Variants in NLN observed in about 807,000 individuals in gnomAD.
NLN encodes the protein neurolysin, also known as neurolysin, mitochondrial.
Under a neutral mutation model 79.9 loss-of-function variants are expected in NLN, and 64 were observed. The observed-to-expected ratio is 0.80, with a 90% confidence interval of 0.65 to 0.99. NLN has a LOEUF of 0.99. NLN is among the 50% of genes least tolerant of loss of function. NLN has a pLI of 0.00. For missense variants in NLN, 835 were observed against 858.7 expected (o/e 0.97, Z 0.34); for synonymous variants, 267 against 296.6 (o/e 0.90, Z 1.02).
intron 1 of NLN, among the ~76,000 whole-genome samples, chr5:65,724,571 C>A (rs1231182210): frequency 1.3e-5 from 2 of 152,032 alleles, no homozygotes; most frequent in Non-Finnish European, 2.9e-5. Flanking sequence ...CTGTTTGAAT[C>A]CCTGCTTTTA....
intron 1 of NLN, among the ~76,000 whole-genome samples, chr5:65,747,712 G>A (rs1472728222): frequency 1.3e-5 from 2 of 152,170 alleles, no homozygotes; most frequent in Non-Finnish European, 2.9e-5. Context: ...AACCAATGGT[G>A]CAGTTCACCC....
rs749900018 is a variant in NLN, at chr5:65,763,127, C to A, written c.450+19C>A. On this transcript the variant is annotated intron_variant, in intron 3 of 12. Coordinates refer to ENST00000380985, the MANE Select transcript of NLN (RefSeq NM_020726.5). ...TTTACAGGTAAGTGGTGTTATAAAT[C>A]CCTTTAAAGAGGGAAAAACTCTACA... is the stretch of plus-strand genomic sequence containing the variant. 55 of 1,601,422 alleles carry A rather than the reference C, an allele frequency of 3.4e-5. No homozygotes were observed. Among genetic ancestry groups the A allele is most frequent in the Middle Eastern group, 1.7e-4 (1 of 6,022 alleles).
At chr5:65,798,134 T>C (rs1760208298) in intron 9 of NLN, among the ~76,000 whole-genome samples, 2 of 152,214 alleles carry the variant, frequency 1.3e-5, no homozygotes, top group Non-Finnish European at 2.9e-5. Flanking sequence ...CAGAAGAAGA[T>C]AGGCAGCTGA....
intron 1 of NLN, among the ~76,000 whole-genome samples, chr5:65,728,665 C>T (rs537999826): frequency 1.1e-4 from 17 of 152,192 alleles, no homozygotes; most frequent in African/African-American, 3.9e-4. Flanking sequence ...GGAAATTTCT[C>T]TTATTATAAT....
chr5:65,809,445 TTAA>T (rs2150773597), intron 9 of NLN, 67 bp from the exon 10 acceptor site: 1 of 1,342,012 alleles, frequency 7.5e-7, no homozygotes, highest in South Asian at 1.4e-5. Flanking sequence ...TTCGTGACTC[TTAA>T]TAATTATTCA....
rs1760705175 is a variant in NLN, at chr5:65,817,986, C to T, written c.1981-4795C>T. Among the ~76,000 whole-genome samples the T allele has an allele frequency of 2.6e-5, 4 of 152,324 alleles. No homozygotes were observed. The South Asian group carries it at 8.3e-4, about 32-fold the overall frequency. ...TGTCTCAGCTCTCCTGATGTACCACCCAACAGCTGATTTTTCTTATAACTG... is the reference window on the plus strand; with the variant it reads ...TGTCTCAGCTCTCCTGATGTACCACTCAACAGCTGATTTTTCTTATAACTG... On this transcript the variant is annotated intron_variant, in intron 12 of 12. Transcript: ENST00000380985.
At chr5:65,781,771 C>T (rs1380287899) in intron 6 of NLN, among the ~76,000 whole-genome samples, 1 of 152,280 alleles carries the variant, frequency 6.6e-6, no homozygotes, top group South Asian at 2.1e-4. Context: ...CCAGTTCTAC[C>T]GTGATCTGCC....
In NLN at chr5:65,746,497, A is replaced by G. The variant is rs77008759; in HGVS notation, c.42-12070A>G. ...TTTATGAGACCAGGACCCAGATTGA[A>G]GTAGGGTGAAGAGTGTTTGGGACAT... On this transcript the variant is annotated intron_variant, in intron 1 of 12. Coordinates refer to ENST00000380985, the MANE Select transcript of NLN (RefSeq NM_020726.5). Among the ~76,000 whole-genome samples the G allele has an allele frequency of 4.8e-3, 736 of 152,292 alleles. 10 individuals are homozygous for G. The highest frequency in any genetic ancestry group is 0.017 in the African/African-American group (696 of 41,552).
At chr5:65,737,832 A>G (rs529128229) in intron 1 of NLN, among the ~76,000 whole-genome samples, 9 of 152,300 alleles carry the variant, frequency 5.9e-5, no homozygotes, top group Admixed American at 3.3e-4. Context: ...TAGTTGTATT[A>G]TCAAAAAATT....
intron 1 of NLN, among the ~76,000 whole-genome samples, chr5:65,735,854 A>G (rs1294167817): frequency 6.6e-6 from 1 of 152,168 alleles, no homozygotes; most frequent in Non-Finnish European, 1.5e-5. Context: ...CTGGCCTTAA[A>G]TTAACATAAG....
At chr5:65,747,656 A>G (rs777708682) in intron 1 of NLN, among the ~76,000 whole-genome samples, 2 of 152,124 alleles carry the variant, frequency 1.3e-5, no homozygotes, top group Non-Finnish European at 2.9e-5. Context: ...AACTCTGACC[A>G]CACTCCCTGC....
chr5:65,738,247 T>C lies in NLN; in HGVS notation c.41+15833T>C, dbSNP rs565711233. On this transcript the variant is annotated intron_variant, in intron 1 of 12. Coordinates refer to ENST00000380985, the MANE Select transcript of NLN (RefSeq NM_020726.5). ...GATAAGTACCACAGAGTGGAGAGAT[T>C]GATATGGAAGATCAGGGAAAAGATA... Among the ~76,000 whole-genome samples the C allele has an allele frequency of 1.1e-4, 16 of 151,910 alleles. 1 individual carries two copies. The South Asian group carries it at 3.1e-3, about 30-fold the overall frequency.
At chr5:65,803,245 A>C (rs1003069845) in intron 9 of NLN, among the ~76,000 whole-genome samples, 1 of 152,172 alleles carries the variant, frequency 6.6e-6, no homozygotes, top group Non-Finnish European at 1.5e-5. Flanking sequence ...CTTTCTGCCC[A>C]GGAACCTGTC....
At chr5:65,797,194 T>TAATGCC (rs1353960874) in intron 9 of NLN, among the ~76,000 whole-genome samples, 5 of 152,240 alleles carry the variant, frequency 3.3e-5, no homozygotes, top group Admixed American at 3.3e-4. Flanking sequence ...TGTAGAATAG[T>TAATGCC]AATGCCTCTT....
chr5:65,792,408 A>G (rs776359547), intron 8 of NLN, 46 bp from the exon 9 acceptor site: 3 of 1,257,136 alleles, frequency 2.4e-6, no homozygotes, highest in South Asian at 2.5e-5. Flanking sequence ...TGTAGTTGCT[A>G]GAGGAGAATT....
chr5:65,733,893 A>G (rs530341449), intron 1 of NLN, among the ~76,000 whole-genome samples: 1 of 127,610 alleles, frequency 7.8e-6, no homozygotes, highest in East Asian at 2.2e-4. Context: ...CTAATTTTGT[A>G]TTTTTTTTTC....
At chr5:65,725,773 C>G (rs931402877) in intron 1 of NLN, among the ~76,000 whole-genome samples, 3 of 152,154 alleles carry the variant, frequency 2.0e-5, no homozygotes, top group Admixed American at 6.5e-5. Flanking sequence ...ATACTTAAGT[C>G]TGAATAACCC....
intron 1 of NLN, among the ~76,000 whole-genome samples, chr5:65,752,856 G>C (rs1019829688): frequency 1.3e-5 from 2 of 152,074 alleles, no homozygotes. Flanking sequence ...AAAGAATTAA[G>C]GTAAAATCTC....
intron 6 of NLN, among the ~76,000 whole-genome samples, chr5:65,783,776 G>A (rs995311334): frequency 1.5e-4 from 23 of 151,680 alleles, no homozygotes; most frequent in African/African-American, 5.6e-4. Flanking sequence ...GAGAAAATTG[G>A]CAGTCTAGAG....
Sources: allele counts gnomAD v4.1 joint callset (sites outside exome capture counted in the v4.1 genomes callset), GRCh38; gene constraint gnomAD v4.1.1; transcripts MANE v1.5; gene names NCBI Gene and HGNC (gene_info 2026-07-23, HGNC 2026-07-21).